Variants in RND3 observed in about 807,000 individuals in gnomAD.
The protein encoded by RND3 is rho-related GTP-binding protein RhoE.
In RND3, 8 loss-of-function variants were observed where a neutral mutation model predicts 26.5. The observed-to-expected ratio is 0.30, with a 90% CI of 0.18 to 0.54. The LOEUF (loss-of-function observed/expected upper bound fraction) is 0.54, where lower values mean the gene tolerates loss of function less well. Ranked by LOEUF, RND3 falls within the 20% of genes least tolerant of loss-of-function variation. The pLI is 0.94. For missense variants in RND3, 207 were observed against 302.8 expected (o/e 0.68, Z 2.35); for synonymous variants, 113 against 113.0 (o/e 1.00, Z 0.00).
At chr2:150,481,141 C>T (rs1275816260) in intron 3 of RND3, among the ~76,000 whole-genome samples, 1 of 152,200 alleles carries the variant, frequency 6.6e-6, no homozygotes, top group Admixed American at 6.5e-5. Context: ...CTTCTTAGAA[C>T]TTAGTCAACT....
chr2:150,475,059 C>T (rs914121547), intron 3 of RND3, 75 bp from the exon 4 acceptor site: 37 of 855,462 alleles, frequency 4.3e-5, no homozygotes, highest in Middle Eastern at 2.3e-4. Context: ...CTACCCTTTC[C>T]GGCTAAGTCC....
At chr2:150,484,243 CAG>C (rs1686323033) in intron 3 of RND3, among the ~76,000 whole-genome samples, 1 of 152,198 alleles carries the variant, frequency 6.6e-6, no homozygotes, top group East Asian at 1.9e-4. Flanking sequence ...CTACGAACTG[CAG>C]AGTTTTGATT....
chr2:150,485,766 G>A (rs1433391999), intron 3 of RND3, among the ~76,000 whole-genome samples: 1 of 152,108 alleles, frequency 6.6e-6, no homozygotes, highest in Non-Finnish European at 1.5e-5. Context: ...CTCAGCCGGG[G>A]GGCCGGATGC....
chr2:150,479,440 C>A (rs533943273), intron 3 of RND3, among the ~76,000 whole-genome samples: 2 of 152,300 alleles, frequency 1.3e-5, no homozygotes, highest in African/African-American at 4.8e-5. Flanking sequence ...GAACTGAAAA[C>A]TCTTCTTGTT....
chr2:150,476,880 C>T (rs1446589233), intron 3 of RND3, among the ~76,000 whole-genome samples: 1 of 152,144 alleles, frequency 6.6e-6, no homozygotes, highest in Non-Finnish European at 1.5e-5. Flanking sequence ...ATTAGTATTT[C>T]CATATTAGTT....
chr2:150,474,839 C>T, intron 4 of RND3, 36 bp downstream of exon 4: 1 of 1,160,076 alleles, frequency 8.6e-7, no homozygotes, highest in Non-Finnish European at 1.3e-6. Context: ...ATACATCACC[C>T]AGTACTGAAG....
Position 150,487,474 on chromosome 2 carries a change from A to AAAAAAAAAAATATATATATATATATAT in RND3, c.-38-20_-38-19insATATATATATATATATATTTTTTTTTT. 1 of 196,046 alleles carries AAAAAAAAAAATATATATATATATATAT rather than the reference A, an allele frequency of 5.1e-6. No individual in the cohort carries two copies. Among genetic ancestry groups the AAAAAAAAAAATATATATATATATATAT allele is most frequent in the East Asian group, 1.2e-4 (1 of 8,094 alleles). The allele number at this position is 196,046 out of a possible 1,614,324, so 12.1% of individuals were successfully genotyped here. A position where few individuals can be genotyped will look rare whatever the true frequency, so the allele number is the denominator to read the frequency against. On this transcript the variant is annotated intron_variant, in intron 1 of 5. Coordinates refer to ENST00000263895, the MANE Select transcript of RND3 (RefSeq NM_005168.5). ...ATTTTCTCTTAAGAAGAAAAAAAAA[A>AAAAAAAAAAATATATATATATATATAT]ATATATATATATATATATATTTCTC...
In RND3 at chr2:150,470,197, G is replaced by A. The variant is rs754470629; in HGVS notation, c.525C>T (p.Ile175=). ...MAKQIGAATY[I]ECSALQSENS... is the part of the protein sequence containing the mutation. ...TTTCCGACTGTAAAGCTGAGCATTC[G>A]ATATAAGTAGCTGCTCCAATCTGTT... The change falls in exon 6 of 6, where the codon ATC becomes ATT. Residue 175 remains isoleucine (I), a synonymous_variant. Coordinates refer to ENST00000263895, the MANE Select transcript of RND3 (RefSeq NM_005168.5). 11 of 1,613,864 alleles carry A rather than the reference G, an allele frequency of 6.8e-6. No homozygotes were observed. Among genetic ancestry groups the A allele is most frequent in the East Asian group, 4.5e-5 (2 of 44,866 alleles).
intron 3 of RND3, among the ~76,000 whole-genome samples, chr2:150,482,980 T>A (rs1245660349): frequency 6.6e-6 from 1 of 152,084 alleles, no homozygotes; most frequent in African/African-American, 2.4e-5. Context: ...TAATTAACAC[T>A]GTATCTCTAA....
chr2:150,482,184 C>A (rs1040869420), intron 3 of RND3, among the ~76,000 whole-genome samples: 12 of 152,062 alleles, frequency 7.9e-5, no homozygotes, highest in Admixed American at 7.2e-4. Flanking sequence ...TAATAATAAG[C>A]CTTAAATAAA....
In RND3 at chr2:150,486,106, A is replaced by T. The variant is rs1204407105; in HGVS notation, c.238+588T>A. 6.6e-6 allele frequency among the ~76,000 whole-genome samples: 1 copy of T among 151,552 alleles called. No individual in the cohort carries two copies. The highest frequency in any genetic ancestry group is 2.0e-4 in the East Asian group (1 of 5,088). ...ACCGCGGGCGGCCGGCAGCGCGAAG[A>T]GGAGGTTCAGCTGCTGCCCGGCCCC... is the stretch of plus-strand genomic sequence containing the variant. On this transcript the variant is annotated intron_variant, in intron 3 of 5. Transcript: ENST00000263895. This position sits in a 1 kb window ranked among gnomAD's most constrained non-coding sequence, Gnocchi z 4.5.
chr2:150,487,033 C>A (rs1686384058), intron 2 of RND3: 1 of 604,242 alleles, frequency 1.7e-6, no homozygotes, highest in Non-Finnish European at 2.9e-6. Flanking sequence ...CAGGAACGAA[C>A]AAGTTTCAGG....
At chr2:150,477,122 C>T (rs940631800) in intron 3 of RND3, among the ~76,000 whole-genome samples, 5 of 152,092 alleles carry the variant, frequency 3.3e-5, no homozygotes, top group African/African-American at 1.2e-4. Context: ...GCAAAGCTGC[C>T]AACAGTTAGG....
intron 3 of RND3, among the ~76,000 whole-genome samples, chr2:150,485,711 GC>G (rs1229199349): frequency 6.6e-6 from 1 of 152,006 alleles, no homozygotes; most frequent in East Asian, 1.9e-4. Context: ...CTCAGATGGT[GC>G]CCCCCTGCCA....
chr2:150,469,884 G>A lies in RND3; in HGVS notation c.*103C>T. 1.5e-6 allele frequency: 2 copies of A among 1,352,262 alleles called. No individual in the cohort carries two copies. The highest frequency in any genetic ancestry group is 1.4e-5 in the South Asian group (1 of 73,060). 83.8% of individuals were successfully genotyped at this position (1,352,262 alleles called of 1,614,324 possible). A position where few individuals can be genotyped will look rare whatever the true frequency, so the allele number is the denominator to read the frequency against. The stretch of plus-strand genomic sequence containing the variant: ...CTCTCAAACGCCTCCTAAGCCTCTG[G>A]TATACATGACTTTGGCTGTGCACTT... On this transcript the variant is annotated 3_prime_UTR_variant, in exon 6 of 6. Coordinates refer to ENST00000263895, the MANE Select transcript of RND3 (RefSeq NM_005168.5).
intron 2 of RND3, 174 bp downstream of exon 2, chr2:150,487,094 C>T: frequency 1.6e-6 from 1 of 626,920 alleles, no homozygotes; most frequent in Non-Finnish European, 2.7e-6. Context: ...GCTTCCAGCG[C>T]ACTTTCCCTT....
rs1018596572 is a variant in RND3 at position 150,486,770 on chromosome 2, A to G, written c.162T>C (p.Pro54=). 1 of 1,612,338 alleles carries G rather than the reference A, an allele frequency of 6.2e-7. No homozygotes were observed. The highest frequency in any genetic ancestry group is 1.7e-5 in the Admixed American group (1 of 60,028). Residue 54 remains proline, a synonymous_variant, in exon 3 of 6, where the codon CCT becomes CCC. Transcript: ENST00000263895. The surrounding 1 kb of genome is among the most constrained non-coding windows in gnomAD (Gnocchi z 4.5). ...TGGCCGTGTAATTCTCAAACACTGTAGGAACGTAATTCTGGATAGACAAAA... is the reference window on the plus strand; with the variant it reads ...TGGCCGTGTAATTCTCAAACACTGTGGGAACGTAATTCTGGATAGACAAAA... ...AKDCFPENYV[P]TVFENYTASF... is the part of the protein sequence containing the mutation.
At chr2:150,478,919 T>C (rs1218579877) in intron 3 of RND3, among the ~76,000 whole-genome samples, 1 of 152,136 alleles carries the variant, frequency 6.6e-6, no homozygotes, top group African/African-American at 2.4e-5. Context: ...ACTTTTAAGC[T>C]CGCAACCCTA....
chr2:150,484,651 A>G (rs1488601507), intron 3 of RND3, among the ~76,000 whole-genome samples: 1 of 152,180 alleles, frequency 6.6e-6, no homozygotes, highest in Non-Finnish European at 1.5e-5. Context: ...CTGGGAAACA[A>G]AAAGACCTGC....
Sources: gnomAD v4.1 joint callset for allele counts (sites outside exome capture counted in the v4.1 genomes callset) on GRCh38, gnomAD v4.1.1 for gene constraint, Gnocchi (gnomAD v3.1) non-coding constraint, MANE v1.5 for transcripts, NCBI Gene and HGNC (gene_info 2026-07-23, HGNC 2026-07-21) for gene names.